MCRIP1: variants seen among roughly 807,000 people sequenced by gnomAD.
The protein encoded by MCRIP1 is mapk-regulated corepressor-interacting protein 1.
Under a neutral mutation model 14.4 loss-of-function variants are expected in MCRIP1, and 10 were observed. The observed-to-expected ratio is 0.70, with a 90% CI of 0.43 to 1.18. The LOEUF is 1.18. Ranked by LOEUF, MCRIP1 falls within the 50% of genes most tolerant of loss-of-function variation. MCRIP1 has a pLI of 0.00. For synonymous variants in MCRIP1, 53 were observed against 55.7 expected (o/e 0.95, Z 0.21); for missense variants, 119 against 135.4 (o/e 0.88, Z 0.60).
rs184230291 is a variant in MCRIP1, at chr17:81,824,745, C to T, written c.-48-191G>A. On this transcript the variant is annotated intron_variant, in intron 1 of 4. Coordinates refer to ENST00000455127, the MANE Select transcript of MCRIP1 (RefSeq NM_207368.5). ...AGCCAGTGGGCTCCAGGCAACCCTACGAGGTAGCAGAGAGCTGGCCAGACG... is the reference window on the plus strand; with the variant it reads ...AGCCAGTGGGCTCCAGGCAACCCTATGAGGTAGCAGAGAGCTGGCCAGACG... The T allele has an allele frequency of 8.6e-5, 123 of 1,437,896 alleles. No individual in the cohort carries two copies. The East Asian group carries it at 1.5e-3, about 18-fold the overall frequency. The allele number at this position is 1,437,896 out of a possible 1,614,324, so 89.1% of individuals were successfully genotyped here.
chr17:81,825,893 A>G (rs777123779), intron 1 of MCRIP1: 2 of 1,291,424 alleles, frequency 1.5e-6, no homozygotes, highest in Admixed American at 4.6e-5. Flanking sequence ...TGAGGGTCCC[A>G]CAGGGACATG....
chr17:81,833,228 C>G lies in MCRIP1; in HGVS notation c.-49+10G>C, dbSNP rs1203729393. 1.3e-5 allele frequency: 2 copies of G among 149,924 alleles called. No homozygotes were observed. The highest frequency in any genetic ancestry group is 2.4e-5 in the African/African-American group (1 of 41,244). The allele number at this position is 149,924 out of a possible 1,614,324, so 9.3% of individuals were successfully genotyped here. The stretch of plus-strand genomic sequence containing the variant: ...CCCGTCCCCGCCGCCCGGCGCCGCA[C>G]CCGCCTCACCTCGCCCCGACCCGCC... On this transcript the variant is annotated intron_variant, in intron 1 of 4. Coordinates refer to ENST00000455127, the MANE Select transcript of MCRIP1 (RefSeq NM_207368.5).
intron 1 of MCRIP1, among the ~76,000 whole-genome samples, chr17:81,832,164 C>T (rs1052434538): frequency 6.6e-6 from 1 of 152,218 alleles, no homozygotes; most frequent in Non-Finnish European, 1.5e-5. Context: ...GTTTCTAAGA[C>T]TCCACTTTCT....
chr17:81,823,686 C>T lies in MCRIP1; in HGVS notation c.128-173G>A. 1.6e-6 allele frequency: 1 copy of T among 623,234 alleles called. No individual in the cohort carries two copies. The highest frequency in any genetic ancestry group is 2.7e-5 in the Admixed American group (1 of 37,124). 38.6% of individuals were successfully genotyped at this position (623,234 alleles called of 1,614,324 possible). On this transcript the variant is annotated intron_variant, in intron 3 of 4. Transcript: ENST00000455127. This position sits in a 1 kb window ranked among gnomAD's most constrained non-coding sequence, Gnocchi z 6.0. ...ACCCCAGCCTCACTCACCTGCAGAC[C>T]CCGTCCCCGCTCCTCTGGCAGGCCT...
intron 1 of MCRIP1, chr17:81,824,797 G>A (rs561300864): frequency 1.9e-5 from 26 of 1,398,052 alleles, no homozygotes; most frequent in Admixed American, 9.4e-5. Context: ...AACTTGAAGC[G>A]ATCAAGCCCG....
At chr17:81,826,973 C>G (rs1017519036) in intron 1 of MCRIP1, among the ~76,000 whole-genome samples, 6 of 150,954 alleles carry the variant, frequency 4.0e-5, no homozygotes, top group African/African-American at 7.3e-5. Context: ...CAAAAATTAG[C>G]TGGATGTGGT....
At position 81,824,308 on chromosome 17, in the gene MCRIP1, T is replaced by A; in HGVS notation, c.106A>T (p.Asn36Tyr). The A allele has an allele frequency of 6.5e-7, 1 of 1,536,160 alleles. No individual in the cohort carries two copies. The highest frequency in any genetic ancestry group is 8.7e-7 in the Non-Finnish European group (1 of 1,146,620). ...CCACCTTCGTAAATGAAGCGGACGT[T>A]CTCCTCGTGGGCTGGGGTGAAGATC... ...SEIFTPAHEE[N>Y]VRFIYEAWQG... The change falls in exon 3 of 5, where the codon AAC becomes TAC. Residue 36 changes from asparagine to tyrosine, a missense_variant. Coordinates refer to ENST00000455127, the MANE Select transcript of MCRIP1 (RefSeq NM_207368.5).
chr17:81,825,312 CT>C, intron 1 of MCRIP1: 1 of 1,136,106 alleles, frequency 8.8e-7, no homozygotes, highest in South Asian at 1.9e-5. Context: ...GGCTCAGACG[CT>C]CACACTGGCA....
At chr17:81,826,224 TGCAC>T (rs770658490) in intron 1 of MCRIP1, 1 of 1,517,806 alleles carries the variant, frequency 6.6e-7, no homozygotes, top group South Asian at 1.2e-5. Context: ...TTGCCTTGTG[TGCAC>T]ACACACACAC....
chr17:81,824,653 G>A (rs1403324766), intron 1 of MCRIP1, 99 bp from the exon 2 acceptor site: 1 of 1,516,412 alleles, frequency 6.6e-7, no homozygotes. Context: ...CCCTTCAGAT[G>A]TGAACAAAGT....
chr17:81,826,231 A>ACG, intron 1 of MCRIP1: 1 of 1,391,650 alleles, frequency 7.2e-7, no homozygotes, highest in South Asian at 1.3e-5. Context: ...GTGTGCACAC[A>ACG]CACACACACA....
intron 1 of MCRIP1, among the ~76,000 whole-genome samples, chr17:81,828,297 G>C (rs547826289): frequency 1.2e-5 from 1 of 86,318 alleles, no homozygotes; most frequent in Non-Finnish European, 2.1e-5. Flanking sequence ...CATAGCCCCA[G>C]GCTTTCCTGG....
chr17:81,831,330 G>A (rs1682483699), intron 1 of MCRIP1, among the ~76,000 whole-genome samples: 1 of 144,120 alleles, frequency 6.9e-6, no homozygotes, highest in Admixed American at 7.4e-5. Flanking sequence ...AACAGAGACA[G>A]AGCAAGACTC....
Position 81,829,817 on chromosome 17 carries a change from C to T in MCRIP1, c.-49+3421G>A, listed in dbSNP as rs551173058. On this transcript the variant is annotated intron_variant, in intron 1 of 4. Coordinates refer to ENST00000455127, the MANE Select transcript of MCRIP1 (RefSeq NM_207368.5). The stretch of plus-strand genomic sequence containing the variant: ...CCAGTGCTGGGACAACCTCCAGTTC[C>T]AGACACCCAGCATCAGGACAGGTGG... Among the ~76,000 whole-genome samples the T allele has an allele frequency of 4.1e-4, 62 of 152,318 alleles. 1 individual carries two copies. In the South Asian group the frequency reaches 0.013, roughly 32 times the overall value.
intron 1 of MCRIP1, chr17:81,824,990 C>T: frequency 9.5e-7 from 1 of 1,057,204 alleles, no homozygotes; most frequent in Non-Finnish European, 1.1e-6. Flanking sequence ...ACCCTGCTCT[C>T]CCTGGTGCAG....
chr17:81,831,634 C>A (rs928268686), intron 1 of MCRIP1, among the ~76,000 whole-genome samples: 1 of 152,060 alleles, frequency 6.6e-6, no homozygotes, highest in Middle Eastern at 3.2e-3. Context: ...CACATCCCCA[C>A]AGCTGGACCA....
rs750523703 is a variant in MCRIP1 at position 81,825,605 on chromosome 17, T to C, written c.-48-1051A>G. On this transcript the variant is annotated intron_variant, in intron 1 of 4. Transcript: ENST00000455127. ...TCTGGCTCATTCCGCCTCATGTCAATGGTCCAGCCCTCAAACACCACGTGA... is the reference window on the plus strand; with the variant it reads ...TCTGGCTCATTCCGCCTCATGTCAACGGTCCAGCCCTCAAACACCACGTGA... The C allele has an allele frequency of 1.0e-5, 13 of 1,289,342 alleles. No homozygotes were observed. In the South Asian group the frequency reaches 1.6e-4, roughly 16 times the overall value. The allele number at this position is 1,289,342 out of a possible 1,614,324, so 79.9% of individuals were successfully genotyped here. A position where few individuals can be genotyped will look rare whatever the true frequency, so the allele number is the denominator to read the frequency against.
chr17:81,827,082 C>A (rs1308837449), intron 1 of MCRIP1, among the ~76,000 whole-genome samples: 1 of 150,272 alleles, frequency 6.7e-6, no homozygotes, highest in Non-Finnish European at 1.5e-5. Flanking sequence ...CGTGCCACTG[C>A]ACTCCAGCTT....
chr17:81,825,032 T>C (rs1164209043), intron 1 of MCRIP1: 1 of 1,018,774 alleles, frequency 9.8e-7, no homozygotes, highest in Non-Finnish European at 1.2e-6. Flanking sequence ...TGAGCCTTGA[T>C]TTCCTTTCTG....
Sources: allele counts gnomAD v4.1 joint callset (sites outside exome capture counted in the v4.1 genomes callset), GRCh38; gene constraint gnomAD v4.1.1; non-coding constraint Gnocchi (gnomAD v3.1); transcripts MANE v1.5; gene names NCBI Gene and HGNC (gene_info 2026-07-23, HGNC 2026-07-21).